CHN2: variants seen among roughly 807,000 people sequenced by gnomAD.
CHN2 encodes the protein chimerin 2, also known as beta-chimaerin.
A neutral mutation model predicts 56.3 loss-of-function variants in CHN2; 35 were observed. The observed-to-expected ratio is 0.62, with a 90% CI of 0.47 to 0.82. CHN2 has a LOEUF of 0.82. CHN2 is among the 40% of genes least tolerant of loss of function. CHN2 has a pLI of 0.00. For missense variants in CHN2, 491 were observed against 580.5 expected (o/e 0.85, Z 1.58); for synonymous variants, 210 against 212.8 (o/e 0.99, Z 0.12).
At chr7:29,218,860 G>A (rs1045680984) in intron 1 of CHN2, among the ~76,000 whole-genome samples, 2 of 150,584 alleles carry the variant, frequency 1.3e-5, no homozygotes, top group Non-Finnish European at 3.0e-5. Flanking sequence ...GCTAAATGAC[G>A]AGTTAATGGG....
chr7:29,289,513 C>G (rs1792417690), intron 1 of CHN2, among the ~76,000 whole-genome samples: 1 of 152,122 alleles, frequency 6.6e-6, no homozygotes, highest in Non-Finnish European at 1.5e-5. Flanking sequence ...ACATGCTTTG[C>G]CCTCTGCTCA....
chr7:29,178,480 C>G (rs1443525293), intron 2 of CHN2, among the ~76,000 whole-genome samples: 1 of 152,150 alleles, frequency 6.6e-6, no homozygotes, highest in Admixed American at 6.5e-5. Flanking sequence ...TTTAAATCTG[C>G]TGTTCCCTCC....
At chr7:29,308,312 A>T (rs919158660) in intron 1 of CHN2, among the ~76,000 whole-genome samples, 1 of 152,162 alleles carries the variant, frequency 6.6e-6, no homozygotes, top group Non-Finnish European at 1.5e-5. Flanking sequence ...ATCTTCCAAG[A>T]ACCGGCTTCT....
In CHN2 at chr7:29,267,608, A is replaced by G. The variant is rs114346241; in HGVS notation, c.49+72618A>G. ...GGCCACCTACTTTTCCACAGAGAAG[A>G]GTTTGATGGAGTGAATCCTAAAACC... On this transcript the variant is annotated intron_variant, in intron 1 of 12. Transcript: ENST00000222792. 9.2e-3 allele frequency among the ~76,000 whole-genome samples: 1,402 copies of G among 152,276 alleles called. 24 individuals carry two copies. Among genetic ancestry groups the G allele is most frequent in the African/African-American group, 0.032 (1,349 of 41,548 alleles).
chr7:29,446,480 A>G (rs1007423564), intron 6 of CHN2, among the ~76,000 whole-genome samples: 2 of 152,142 alleles, frequency 1.3e-5, no homozygotes, highest in African/African-American at 4.8e-5. Flanking sequence ...AGAGTCTGAA[A>G]CAAATGAGGT....
chr7:29,450,081 A>T (rs17158004), intron 6 of CHN2, among the ~76,000 whole-genome samples: 9,820 of 152,240 alleles, frequency 0.065, 540 homozygotes, highest in African/African-American at 0.16. Context: ...TCAATTGAAG[A>T]ATCTCTTGAA....
At chr7:29,210,438 C>T (rs975275741) in intron 1 of CHN2, among the ~76,000 whole-genome samples, 2 of 147,798 alleles carry the variant, frequency 1.4e-5, no homozygotes, top group Non-Finnish European at 2.9e-5. Context: ...CCCACACACA[C>T]ACCGTGCACA....
At chr7:29,305,860 CCT>C (rs771881991) in intron 1 of CHN2, among the ~76,000 whole-genome samples, 10 of 92,530 alleles carry the variant, frequency 1.1e-4, no homozygotes, top group South Asian at 3.7e-4. Context: ...CTCTTTCTCC[CCT>C]CTTTCTACCC....
At chr7:29,496,664 T>G (rs1223781763) in intron 8 of CHN2, among the ~76,000 whole-genome samples, 4 of 152,258 alleles carry the variant, frequency 2.6e-5, no homozygotes, top group Non-Finnish European at 5.9e-5. Context: ...CACCTTGATT[T>G]GATATCACAT....
intron 1 of CHN2, among the ~76,000 whole-genome samples, chr7:29,303,232 A>G (rs1389047210): frequency 1.3e-5 from 2 of 152,178 alleles, no homozygotes; most frequent in Non-Finnish European, 2.9e-5. Context: ...TTTTCATGAT[A>G]CGCTTGATGC....
At chr7:29,350,335 G>C (rs1257884047) in intron 1 of CHN2, among the ~76,000 whole-genome samples, 6 of 152,004 alleles carry the variant, frequency 3.9e-5, no homozygotes, top group African/African-American at 1.5e-4. Flanking sequence ...GTTGATCTTT[G>C]AAAAGTATTG....
At chr7:29,354,845 C>T (rs534950475) in intron 2 of CHN2, among the ~76,000 whole-genome samples, 182 bp downstream of exon 2, 22 of 152,218 alleles carry the variant, frequency 1.4e-4, no homozygotes, top group African/African-American at 5.3e-4. Flanking sequence ...CTCCTCTTAC[C>T]AAGGCCTCCA....
At chr7:29,146,693 C>T (rs1395364513) in exon 1 of CHN2, 2 of 1,550,602 alleles carry the variant, frequency 1.3e-6, no homozygotes, top group Non-Finnish European at 1.7e-6. Context: ...AGCAAGCAGC[C>T]CCAGGGTGGA....
intron 3 of CHN2, among the ~76,000 whole-genome samples, chr7:29,386,087 T>A (rs1191174028): frequency 6.6e-6 from 1 of 152,178 alleles, no homozygotes; most frequent in East Asian, 1.9e-4. Context: ...TTTCCAGAAG[T>A]GTTAAAGAAA....
chr7:29,498,817 G>C (rs111533309), intron 8 of CHN2, among the ~76,000 whole-genome samples: 1 of 146,046 alleles, frequency 6.8e-6, no homozygotes, highest in Non-Finnish European at 1.5e-5. Flanking sequence ...GCTGGAGTGC[G>C]GTGGCGCAAT....
chr7:29,211,614 A>G (rs941399160), intron 1 of CHN2, among the ~76,000 whole-genome samples: 4 of 152,158 alleles, frequency 2.6e-5, no homozygotes, highest in Admixed American at 2.6e-4. Flanking sequence ...AGTTGATTTC[A>G]GAATCCACTC....
intron 6 of CHN2, among the ~76,000 whole-genome samples, chr7:29,419,631 T>TCAA (rs147086593): frequency 1.3e-5 from 2 of 151,820 alleles, no homozygotes; most frequent in Admixed American, 6.6e-5. Context: ...CTCCTACAAC[T>TCAA]CAACAACAAC....
At chr7:29,224,372 A>G (rs1161540692) in intron 1 of CHN2, among the ~76,000 whole-genome samples, 1 of 152,232 alleles carries the variant, frequency 6.6e-6, no homozygotes, top group East Asian at 1.9e-4. Flanking sequence ...GTTAAGTTAT[A>G]TTCATAACTA....
At chr7:29,262,616 A>G (rs1160859191) in intron 1 of CHN2, among the ~76,000 whole-genome samples, 1 of 152,200 alleles carries the variant, frequency 6.6e-6, no homozygotes, top group Admixed American at 6.5e-5. Flanking sequence ...ACTTTTGTCA[A>G]TTAAAGTGAA....
Sources: gnomAD v4.1 joint callset for allele counts (sites outside exome capture counted in the v4.1 genomes callset) on GRCh38, gnomAD v4.1.1 for gene constraint, MANE v1.5 for transcripts, NCBI Gene and HGNC (gene_info 2026-07-23, HGNC 2026-07-21) for gene names.